The following TEAD2 variants were observed in gnomAD, a reference collection of about 807,000 sequenced individuals.
TEAD2 encodes transcriptional enhancer factor TEF-4.
In TEAD2, 51 loss-of-function variants were observed where a neutral mutation model predicts 61.4. The ratio of observed to expected loss-of-function variants is 0.83; its 90% CI spans 0.66 to 1.05. TEAD2 has a LOEUF of 1.05. Ranked by LOEUF, TEAD2 falls within the 50% of genes least tolerant of loss-of-function variation. The probability of loss-of-function intolerance (pLI) is 0.00; values close to 1 mark genes in which losing one functional copy is unlikely to be tolerated. For missense variants in TEAD2, 509 were observed against 600.0 expected, an observed-to-expected ratio of 0.85 and a Z score of 1.58; for synonymous variants, 244 against 243.2, an observed-to-expected ratio of 1.00 and a Z score of -0.03.
Position 49,351,342 on chromosome 19 carries a change from G to A in TEAD2, c.563C>T (p.Pro188Leu), listed in dbSNP as rs1217550133. The A allele has an allele frequency of 9.9e-6, 16 of 1,612,242 alleles. No individual in the cohort carries two copies. The African/African-American group carries it at 1.2e-4, about 12-fold the overall frequency. ...TGGGGGAGTCAGTGACAAGGTGAAC[G>A]GTGTCTGTGAGAATGGCTTCACACT... is the stretch of plus-strand genomic sequence containing the variant. ...VPDVKPFSQT[P>L]FTLSLTPPST... is the part of the protein sequence containing the mutation. The change falls in exon 8 of 13, where the codon CCG (proline) becomes CTG (leucine). Residue 188 changes from proline (P) to leucine (L), a missense_variant. Pro to Leu is a moderately conservative substitution (Grantham distance 98). Transcript: ENST00000593945.
chr19:49,353,308 A>G (rs1972143751), intron 7 of TEAD2, among the ~76,000 whole-genome samples: 1 of 151,996 alleles, frequency 6.6e-6, no homozygotes, highest in Non-Finnish European at 1.5e-5. Context: ...TATGCTGGAC[A>G]GGCTGGTCTC....
chr19:49,353,151 T>C (rs1385522762), intron 7 of TEAD2, among the ~76,000 whole-genome samples: 1 of 150,932 alleles, frequency 6.6e-6, no homozygotes, highest in Non-Finnish European at 1.5e-5. Flanking sequence ...CAGGCTGGAG[T>C]GCAGTGGCAC....
intron 11 of TEAD2, 140 bp downstream of exon 11, chr19:49,343,091 T>A: frequency 1.0e-6 from 1 of 995,618 alleles, no homozygotes; most frequent in Non-Finnish European, 1.4e-6. Flanking sequence ...GCCCATTAGC[T>A]CCCAACGCAT....
intron 5 of TEAD2, among the ~76,000 whole-genome samples, chr19:49,355,714 C>T (rs569810450): frequency 1.3e-5 from 2 of 152,198 alleles, no homozygotes; most frequent in South Asian, 4.1e-4. Flanking sequence ...ATAATCCCAG[C>T]TACTAGGGAA....
At chr19:49,357,147 AGTCTCTGTCCCCCTCTCCCTGG>A in intron 4 of TEAD2, 83 bp downstream of exon 4, 1 of 998,248 alleles carries the variant, frequency 1.0e-6, no homozygotes, top group African/African-American at 2.3e-5. Flanking sequence ...CCCCGCTCTA[AGTCTCTGTCCCCCTCTCCCTGG>A]GTCTCTGTCC....
At chr19:49,344,752 C>T (rs1289186697) in intron 10 of TEAD2, among the ~76,000 whole-genome samples, 1 of 152,178 alleles carries the variant, frequency 6.6e-6, no homozygotes, top group Admixed American at 6.5e-5. Context: ...CGGGACCTCA[C>T]GGAGCCTGAG....
chr19:49,356,115 A>C (rs990100206), intron 4 of TEAD2, 145 bp from the exon 5 acceptor site: 6 of 569,932 alleles, frequency 1.1e-5, no homozygotes, highest in African/African-American at 1.9e-5. Context: ...ATGGATGCGC[A>C]ACAGGAAGTG....
At chr19:49,355,021 GCATACATACATA>G (rs113350132) in intron 7 of TEAD2, 115 bp downstream of exon 7, 8 of 630,400 alleles carry the variant, frequency 1.3e-5, no homozygotes, top group East Asian at 2.8e-5. Flanking sequence ...ATACATACAT[GCATACATACATA>G]CATACATACA....
At chr19:49,360,102 G>A (rs1972730438) in intron 1 of TEAD2, 21 bp from the exon 2 acceptor site, 1 of 1,582,870 alleles carries the variant, frequency 6.3e-7, no homozygotes, top group African/African-American at 1.3e-5. Flanking sequence ...ACAGAACTCA[G>A]CAAGCTTCCC....
chr19:49,357,599 C>T, intron 3 of TEAD2: 2 of 535,870 alleles, frequency 3.7e-6, no homozygotes, highest in South Asian at 4.5e-5. Context: ...AAAACTATCC[C>T]CAAACAGGCA....
intron 7 of TEAD2, among the ~76,000 whole-genome samples, chr19:49,353,960 T>TA (rs1178366819): frequency 3.1e-5 from 4 of 131,008 alleles, no homozygotes; most frequent in African/African-American, 1.0e-4. Flanking sequence ...GTTTTTTGTT[T>TA]TTTTTTTTTT....
rs1971236190 is a variant in TEAD2, at chr19:49,341,224, C to T, written c.*100G>A. On this transcript the variant is annotated 3_prime_UTR_variant, in exon 13 of 13. Coordinates refer to ENST00000593945, the MANE Select transcript of TEAD2 (RefSeq NM_001256660.2). This position sits in a 1 kb window ranked among gnomAD's most constrained non-coding sequence, Gnocchi z 4.2. ...TAGGCCTCTGAGGTCAACCCCTTTA[C>T]ATCACAGCCCTCTCCCCAAATAAGA... 2 of 1,070,936 alleles carry T rather than the reference C, an allele frequency of 1.9e-6. No homozygotes were observed. The highest frequency in any genetic ancestry group is 1.4e-6 in the Non-Finnish European group (1 of 708,122). The allele number at this position is 1,070,936 out of a possible 1,614,324, so 66.3% of individuals were successfully genotyped here. A position where few individuals can be genotyped will look rare whatever the true frequency, so the allele number is the denominator to read the frequency against.
intron 1 of TEAD2, 112 bp downstream of exon 1, chr19:49,362,221 G>C (rs79421387): frequency 4.6e-5 from 7 of 152,508 alleles, no homozygotes; most frequent in South Asian, 2.1e-4. Flanking sequence ...GCTCGGTCAC[G>C]GGAGCAAATT....
At chr19:49,353,852 C>A (rs1972182199) in intron 7 of TEAD2, among the ~76,000 whole-genome samples, 1 of 151,640 alleles carries the variant, frequency 6.6e-6, no homozygotes, top group Admixed American at 6.6e-5. Context: ...ACAATCTTGG[C>A]TCAATGCAAC....
Position 49,359,435 on chromosome 19 carries a change from C to T in TEAD2, c.297G>A (p.Gln99=), listed in dbSNP as rs529539589. 6.2e-7 allele frequency: 1 copy of T among 1,614,066 alleles called. No individual in the cohort carries two copies. Among genetic ancestry groups the T allele is most frequent in the African/African-American group, 1.3e-5 (1 of 75,030 alleles). Residue 99 remains glutamine, a splice_region_variant and synonymous_variant, in exon 3 of 13, where the codon CAG becomes CAA. Transcript: ENST00000593945. The surrounding 1 kb of genome is among the most constrained non-coding windows in gnomAD (Gnocchi z 4.1). ...GAAGCCCACAAGTCCATTCCGAGAC[C>T]TGTTTTCGAGTTCGGGTCTTCCCCG... ...LRTGKTRTRK[Q]VSSHIQVLAR...
In TEAD2 at chr19:49,360,025, C is replaced by G. The variant is rs759736590; in HGVS notation, c.51G>C (p.Thr17=). 6.1e-5 allele frequency: 98 copies of G among 1,608,658 alleles called. 1 individual carries two copies. The highest frequency in any genetic ancestry group is 8.1e-5 in the Non-Finnish European group (95 of 1,179,906). Residue 17 remains threonine (T), a synonymous_variant, in exon 2 of 13, where the codon ACG becomes ACC. Transcript: ENST00000593945. The part of the protein sequence containing the change: ...GAALDDGSGW[T]GSEEGSEEGT... Reference sequence around the variant, plus strand: ...CCTCCTCACTGCCTTCCTCACTGCCCGTCCAGCCGCTGCCATCGTCCAGGG... The same window carrying G: ...CCTCCTCACTGCCTTCCTCACTGCCGGTCCAGCCGCTGCCATCGTCCAGGG...
intron 7 of TEAD2, among the ~76,000 whole-genome samples, chr19:49,354,133 C>T (rs1020216748): frequency 6.6e-5 from 10 of 151,672 alleles, no homozygotes; most frequent in Non-Finnish European, 1.2e-4. Flanking sequence ...ACCGTCAACA[C>T]TCCTGCCTCA....
intron 7 of TEAD2, among the ~76,000 whole-genome samples, chr19:49,354,590 C>T (rs895584024): frequency 9.9e-5 from 15 of 152,106 alleles, no homozygotes; most frequent in Non-Finnish European, 1.8e-4. Flanking sequence ...CCCGTCACCT[C>T]AAGGCTCTCT....
chr19:49,342,408 G>T (rs750174609), intron 12 of TEAD2, 30 bp downstream of exon 12: 4 of 1,608,172 alleles, frequency 2.5e-6, no homozygotes, highest in Non-Finnish European at 3.4e-6. Flanking sequence ...ACACTGGGGG[G>T]CCCCACTCCA....
Sources: gnomAD v4.1 joint callset for allele counts (sites outside exome capture counted in the v4.1 genomes callset) on GRCh38, gnomAD v4.1.1 for gene constraint, Gnocchi (gnomAD v3.1) non-coding constraint, MANE v1.5 for transcripts, NCBI Gene and HGNC (gene_info 2026-07-23, HGNC 2026-07-21) for gene names.